Variants in DOT1L observed in about 807,000 individuals in gnomAD.
The protein encoded by DOT1L is histone-lysine N-methyltransferase, H3 lysine-79 specific.
In DOT1L, 33 loss-of-function variants were observed where a neutral mutation model predicts 153.3. The ratio of observed to expected loss-of-function variants is 0.22; its 90% CI spans 0.16 to 0.29. The LOEUF (loss-of-function observed/expected upper bound fraction) is 0.29, where lower values mean the gene tolerates loss of function less well. Among genes scored for constraint, DOT1L ranks in the 10% least tolerant of loss-of-function variants. The pLI is 1.00. For synonymous variants in DOT1L, 1,135 were observed against 965.1 expected (o/e 1.18, Z -3.26); for missense variants, 1,847 against 2,119.9 (o/e 0.87, Z 2.53).
chr19:2,167,726 TTTC>T (rs1169839410), intron 1 of DOT1L, among the ~76,000 whole-genome samples: 2 of 131,480 alleles, frequency 1.5e-5, no homozygotes, highest in Non-Finnish European at 3.6e-5. Context: ...CTGATTTTCT[TTTC>T]TTTTCTTTTT....
intron 15 of DOT1L, 142 bp from the exon 16 acceptor site, chr19:2,211,609 C>T: frequency 1.4e-6 from 1 of 708,034 alleles, no homozygotes; most frequent in Non-Finnish European, 2.3e-6. Flanking sequence ...TGGCATGGGC[C>T]CCGCCAGGCT....
intron 1 of DOT1L, among the ~76,000 whole-genome samples, chr19:2,170,063 G>A (rs574098670): frequency 5.3e-5 from 8 of 152,174 alleles, no homozygotes; most frequent in African/African-American, 1.2e-4. Flanking sequence ...GAACCCGAGA[G>A]GGGGAGGCTG....
Position 2,216,763 on chromosome 19 carries a change from G to A in DOT1L, c.2406G>A (p.Ser802=), listed in dbSNP as rs777914517. Reference sequence around the variant, plus strand: ...GGCCGGCTGCCAGTGAGCTGCATTCGAGGTGAGTGCCCTGGTGGGGCTGGG... The same window carrying A: ...GGCCGGCTGCCAGTGAGCTGCATTCAAGGTGAGTGCCCTGGTGGGGCTGGG... ...PGRPAASELH[S]RAEHTKENGL... is the part of the protein sequence containing the mutation. The change falls in exon 20 of 28, where the codon TCG becomes TCA. Residue 802 remains serine, a splice_region_variant and synonymous_variant. Coordinates refer to ENST00000398665, the MANE Select transcript of DOT1L (RefSeq NM_032482.3). 3.8e-5 allele frequency: 61 copies of A among 1,588,578 alleles called. No homozygotes were observed. In the African/African-American group the frequency reaches 4.5e-4, roughly 12 times the overall value.
intron 1 of DOT1L, among the ~76,000 whole-genome samples, chr19:2,169,164 C>T (rs114804531): frequency 0.035 from 5,317 of 152,126 alleles, 306 homozygotes; most frequent in African/African-American, 0.12. Context: ...CTGTGGGCGG[C>T]GGTGAGTGGG....
At chr19:2,209,039 A>G in intron 12 of DOT1L, 63 bp downstream of exon 12, 1 of 1,573,326 alleles carries the variant, frequency 6.4e-7, no homozygotes, top group East Asian at 2.3e-5. Flanking sequence ...GGGAAATGCA[A>G]AGCCGTGCGC....
rs556261358 is a variant in DOT1L, at chr19:2,205,570, G to A, written c.788-1159G>A. ...ACTGACAGTCAGTTAGAATCCCAGG[G>A]TTCAGAGGTATTTGAAATAATTCTT... is the stretch of plus-strand genomic sequence containing the variant. On this transcript the variant is annotated intron_variant, in intron 9 of 27. Coordinates refer to ENST00000398665, the MANE Select transcript of DOT1L (RefSeq NM_032482.3). Among the ~76,000 whole-genome samples, 5 of 152,294 alleles carry A rather than the reference G, an allele frequency of 3.3e-5. No individual in the cohort carries two copies. The South Asian group carries it at 8.3e-4, about 25-fold the overall frequency.
At chr19:2,228,656 C>T (rs2024472764) in intron 27 of DOT1L, 1 of 985,280 alleles carries the variant, frequency 1.0e-6, no homozygotes, top group Non-Finnish European at 1.2e-6. Context: ...GGCAGCTGTG[C>T]CAGCCCCTGT....
intron 1 of DOT1L, among the ~76,000 whole-genome samples, chr19:2,179,077 G>GC (rs1395485181): frequency 6.6e-6 from 1 of 152,046 alleles, no homozygotes; most frequent in East Asian, 1.9e-4. Context: ...GAAAGCTGGG[G>GC]GGGGGTCTCC....
At chr19:2,164,714 C>T (rs1235455178) in intron 1 of DOT1L, among the ~76,000 whole-genome samples, 4 of 151,866 alleles carry the variant, frequency 2.6e-5, no homozygotes, top group South Asian at 2.1e-4. Flanking sequence ...TCACGCTTTT[C>T]CTACTCGGGC....
intron 2 of DOT1L, among the ~76,000 whole-genome samples, chr19:2,182,013 A>G (rs995235962): frequency 1.3e-5 from 2 of 152,112 alleles, no homozygotes; most frequent in Non-Finnish European, 2.9e-5. Flanking sequence ...GCTTGAGGCC[A>G]GGAGTTCGAG....
intron 27 of DOT1L, chr19:2,229,527 C>T: frequency 2.0e-6 from 2 of 985,464 alleles, no homozygotes; most frequent in Non-Finnish European, 2.4e-6. Flanking sequence ...GTGGCTTTAG[C>T]TGGACTCGGC....
At chr19:2,171,621 C>G (rs190860079) in intron 1 of DOT1L, among the ~76,000 whole-genome samples, 1 of 152,200 alleles carries the variant, frequency 6.6e-6, no homozygotes, top group Non-Finnish European at 1.5e-5. Flanking sequence ...CGACCGCCGC[C>G]GGGTGTCGCT....
chr19:2,216,680 TC>T lies in DOT1L; in HGVS notation c.2327del (p.Pro776ArgfsTer6), dbSNP rs1391971179. ...GLAAPDYTRLSPAKIVLRRHL... is the reference protein window; with the variant it reads ...GLAAPDYTRLXPAKIVLRRHL... ...AGCCGCACCCGACTACACTAGGCTGTCCCCGGCCAAGATTGTGCTGAGGCGG... is the reference window on the plus strand; with the variant it reads ...AGCCGCACCCGACTACACTAGGCTGTCCCGGCCAAGATTGTGCTGAGGCGG... On this transcript the variant is annotated frameshift_variant, in exon 20 of 28. Transcript: ENST00000398665. LOFTEE classifies it high-confidence loss of function. 6.2e-7 allele frequency: 1 copy of T among 1,603,658 alleles called. No homozygotes were observed.
At position 2,204,684 on chromosome 19, in the gene DOT1L, A is replaced by G. The variant is rs1232598558; in HGVS notation, c.787+1905A>G. Among the ~76,000 whole-genome samples the G allele has an allele frequency of 6.6e-6, 1 of 152,220 alleles. No individual in the cohort carries two copies. Among genetic ancestry groups the G allele is most frequent in the Non-Finnish European group, 1.5e-5 (1 of 68,046 alleles). Reference sequence around the variant, plus strand: ...GTTTTGAACATGTCCAGTGAAGGGCAGGTGGCCAGTAGTGCTGATTCTAGG... The same window carrying G: ...GTTTTGAACATGTCCAGTGAAGGGCGGGTGGCCAGTAGTGCTGATTCTAGG... On this transcript the variant is annotated intron_variant, in intron 9 of 27. Coordinates refer to ENST00000398665, the MANE Select transcript of DOT1L (RefSeq NM_032482.3). The surrounding 1 kb of genome is among the most constrained non-coding windows in gnomAD (Gnocchi z 5.7).
At chr19:2,189,915 T>A in intron 4 of DOT1L, 120 bp downstream of exon 4, 1 of 1,132,518 alleles carries the variant, frequency 8.8e-7, no homozygotes, top group Non-Finnish European at 1.3e-6. Flanking sequence ...GGGATTGGAA[T>A]GTGCAGCGTG....
At chr19:2,199,803 A>G in intron 7 of DOT1L, 81 bp from the exon 8 acceptor site, 2 of 1,361,674 alleles carry the variant, frequency 1.5e-6, no homozygotes, top group Non-Finnish European at 2.0e-6. Flanking sequence ...TGTTCATTCC[A>G]TTCTTTCTTC....
chr19:2,225,024 G>A (rs1172935329), intron 25 of DOT1L, among the ~76,000 whole-genome samples: 5 of 152,216 alleles, frequency 3.3e-5, no homozygotes, highest in South Asian at 2.1e-4. Flanking sequence ...CTGAGGCACC[G>A]AGGTCTGAGA....
At chr19:2,203,152 T>G (rs1236262348) in intron 9 of DOT1L, among the ~76,000 whole-genome samples, 1 of 151,924 alleles carries the variant, frequency 6.6e-6, no homozygotes, top group Non-Finnish European at 1.5e-5. Context: ...CCCCAGGCTG[T>G]AGTGCAGTGG....
intron 1 of DOT1L, among the ~76,000 whole-genome samples, chr19:2,169,687 A>G (rs189303669): frequency 6.6e-6 from 1 of 152,176 alleles, no homozygotes; most frequent in East Asian, 1.9e-4. Context: ...TCTGCTTGTT[A>G]TCTGCTGCTC....
Sources: gnomAD v4.1 joint callset for allele counts (sites outside exome capture counted in the v4.1 genomes callset) on GRCh38, gnomAD v4.1.1 for gene constraint, Gnocchi (gnomAD v3.1) non-coding constraint, MANE v1.5 for transcripts, NCBI Gene and HGNC (gene_info 2026-07-23, HGNC 2026-07-21) for gene names.